ADAMTSL1: variants seen among roughly 807,000 people sequenced by gnomAD.
ADAMTSL1 encodes the protein ADAMTS like 1, also known as ADAMTS-like protein 1.
ADAMTSL1 carries 126 observed loss-of-function variants against 201.8 expected under a neutral mutation model. That is an observed-to-expected ratio of 0.62 (90% CI 0.54 to 0.72). ADAMTSL1 has a LOEUF of 0.72. Ranked by LOEUF, ADAMTSL1 falls within the 30% of genes least tolerant of loss-of-function variation. The pLI, the probability that ADAMTSL1 is intolerant of heterozygous loss-of-function variation, is 0.00. For synonymous variants in ADAMTSL1, 1,121 were observed against 903.4 expected (o/e 1.24, Z -4.32); for missense variants, 2,679 against 2,277.8 (o/e 1.18, Z -3.59).
chr9:17,943,455 T>G (rs897288759), intron 1 of ADAMTSL1, among the ~76,000 whole-genome samples: 1 of 152,120 alleles, frequency 6.6e-6, no homozygotes, highest in African/African-American at 2.4e-5. Flanking sequence ...TAATTTTTCT[T>G]GACTTCCTAA....
chr9:18,042,080 A>G (rs1338896110), intron 1 of ADAMTSL1, among the ~76,000 whole-genome samples: 1 of 147,298 alleles, frequency 6.8e-6, no homozygotes. Flanking sequence ...GCTTTTAGTG[A>G]GTTGTAATTG....
chr9:18,852,339 G>A (rs1340332430), intron 23 of ADAMTSL1, among the ~76,000 whole-genome samples: 2 of 152,196 alleles, frequency 1.3e-5, no homozygotes, highest in Non-Finnish European at 2.9e-5. Context: ...AAAGCACTTA[G>A]AATGGTGCCT....
chr9:18,535,504 G>C (rs897452819), intron 3 of ADAMTSL1, among the ~76,000 whole-genome samples: 1 of 152,100 alleles, frequency 6.6e-6, no homozygotes, highest in Non-Finnish European at 1.5e-5. Context: ...AACTGTGCCA[G>C]CCTCTGCCAG....
rs112952261 is a variant in ADAMTSL1 at position 18,738,000 on chromosome 9, A to T, written c.2007-15298A>T. On this transcript the variant is annotated intron_variant, in intron 15 of 28. Transcript: ENST00000380548. Reference sequence around the variant, plus strand: ...GCTTATCTATAAGATAAAGATTTTTAAAAGTACCTACCTCATAGGGGTTTT... The same window carrying T: ...GCTTATCTATAAGATAAAGATTTTTTAAAGTACCTACCTCATAGGGGTTTT... Among the ~76,000 whole-genome samples the T allele has an allele frequency of 6.9e-4, 105 of 152,314 alleles. 1 individual carries two copies. The highest frequency in any genetic ancestry group is 2.4e-3 in the African/African-American group (101 of 41,570).
At chr9:18,190,743 C>G (rs1217727775) in intron 2 of ADAMTSL1, among the ~76,000 whole-genome samples, 1 of 152,082 alleles carries the variant, frequency 6.6e-6, no homozygotes, top group African/African-American at 2.4e-5. Flanking sequence ...ATTGTTTGCT[C>G]CCGTCCATTT....
chr9:18,633,449 G>A (rs1009517398), intron 5 of ADAMTSL1, among the ~76,000 whole-genome samples: 4 of 152,136 alleles, frequency 2.6e-5, no homozygotes, highest in South Asian at 4.2e-4. Flanking sequence ...AATTAGCCGG[G>A]CTGCAGTGGC....
chr9:18,630,228 T>A (rs1212172129), intron 5 of ADAMTSL1, among the ~76,000 whole-genome samples: 1 of 152,192 alleles, frequency 6.6e-6, no homozygotes, highest in Non-Finnish European at 1.5e-5. Context: ...GGGACCTTTC[T>A]GAGTAGACTA....
At chr9:18,096,820 A>G (rs1404719299) in intron 1 of ADAMTSL1, among the ~76,000 whole-genome samples, 1 of 152,156 alleles carries the variant, frequency 6.6e-6, no homozygotes, top group African/African-American at 2.4e-5. Context: ...ATAACCATTG[A>G]TAAGATTTCT....
chr9:18,357,701 A>G (rs1035662957), intron 2 of ADAMTSL1, among the ~76,000 whole-genome samples: 1 of 152,174 alleles, frequency 6.6e-6, no homozygotes, highest in Non-Finnish European at 1.5e-5. Flanking sequence ...CAAAAGCTCA[A>G]TAGTCTAAGT....
intron 1 of ADAMTSL1, among the ~76,000 whole-genome samples, chr9:18,098,497 T>C (rs113737696): frequency 0.025 from 3,746 of 152,318 alleles, 55 homozygotes; most frequent in Middle Eastern, 0.044. Context: ...GTAAGTGATA[T>C]TGTTTTAAAT....
chr9:18,297,805 G>A (rs937079642), intron 2 of ADAMTSL1, among the ~76,000 whole-genome samples: 1 of 152,198 alleles, frequency 6.6e-6, no homozygotes, highest in African/African-American at 2.4e-5. Flanking sequence ...TATCTCTTGG[G>A]CTCTATTTGC....
chr9:18,668,849 G>T (rs947569357), intron 9 of ADAMTSL1, among the ~76,000 whole-genome samples: 1 of 152,160 alleles, frequency 6.6e-6, no homozygotes, highest in Non-Finnish European at 1.5e-5. Context: ...CAGTCCCTAG[G>T]TTAGCGGGCT....
chr9:18,712,724 A>G (rs576491816), intron 14 of ADAMTSL1, among the ~76,000 whole-genome samples: 83 of 152,050 alleles, frequency 5.5e-4, no homozygotes, highest in Non-Finnish European at 9.6e-4. Flanking sequence ...GCAGGCCAAC[A>G]TTCAGATTCA....
chr9:18,168,969 G>C (rs1024931923), intron 2 of ADAMTSL1, among the ~76,000 whole-genome samples: 1 of 150,734 alleles, frequency 6.6e-6, no homozygotes, highest in Non-Finnish European at 1.5e-5. Context: ...TTTTTGATGG[G>C]GTTGTTTGTT....
At chr9:18,662,150 G>T in intron 9 of ADAMTSL1, 77 bp downstream of exon 9, 1 of 1,502,910 alleles carries the variant, frequency 6.7e-7, no homozygotes, top group Admixed American at 2.0e-5. Context: ...AAAATGAAAC[G>T]TTTTAATTAA....
chr9:18,906,876 A>C lies in ADAMTSL1; in HGVS notation c.5146A>C (p.Asn1716His). ...GTGCTCCTGGGGGCCCCGGCCTGCC[A>C]ACTGGCAGCGCTGCAACATCACCCC... ...HLCSWGPRPA[N>H]WQRCNITPCE... Residue 1716 changes from asparagine (N) to histidine (H), a missense_variant, in exon 28 of 29, where the codon AAC becomes CAC. Asn to His is a moderately conservative substitution (Grantham distance 68, BLOSUM62 1). Coordinates refer to ENST00000380548, the MANE Select transcript of ADAMTSL1 (RefSeq NM_001040272.6). 1 of 1,613,964 alleles carries C rather than the reference A, an allele frequency of 6.2e-7. No individual in the cohort carries two copies. Among genetic ancestry groups the C allele is most frequent in the Non-Finnish European group, 8.5e-7 (1 of 1,179,868 alleles).
intron 15 of ADAMTSL1, among the ~76,000 whole-genome samples, chr9:18,738,129 G>C (rs1357382459): frequency 6.6e-6 from 1 of 152,184 alleles, no homozygotes; most frequent in Non-Finnish European, 1.5e-5. Context: ...AATGCACTAA[G>C]AGCTGGAATC....
chr9:18,718,524 G>C, intron 14 of ADAMTSL1: 1 of 533,528 alleles, frequency 1.9e-6, no homozygotes, highest in Non-Finnish European at 3.8e-6. Flanking sequence ...TTATACTCAT[G>C]CATGATGCAA....
chr9:18,658,235 A>C (rs760415232), intron 8 of ADAMTSL1, among the ~76,000 whole-genome samples: 8 of 152,090 alleles, frequency 5.3e-5, no homozygotes, highest in African/African-American at 1.9e-4. Context: ...CGGCCTCCCA[A>C]AGTGCTGGGA....
Sources: gnomAD v4.1 joint callset for allele counts (sites outside exome capture counted in the v4.1 genomes callset) on GRCh38, gnomAD v4.1.1 for gene constraint, MANE v1.5 for transcripts, NCBI Gene and HGNC (gene_info 2026-07-23, HGNC 2026-07-21) for gene names.